CNKSR3: variants seen among roughly 807,000 people sequenced by gnomAD.
CNKSR3 encodes the protein connector enhancer of kinase suppressor of ras 3.
A neutral mutation model predicts 67.7 loss-of-function variants in CNKSR3; 36 were observed. That is an observed-to-expected ratio of 0.53 (90% CI 0.41 to 0.70). CNKSR3 has a LOEUF of 0.70. Among genes scored for constraint, CNKSR3 ranks in the 30% least tolerant of loss-of-function variants. CNKSR3 has a pLI of 0.00. For synonymous variants in CNKSR3, 281 were observed against 271.4 expected (o/e 1.04, Z -0.35); for missense variants, 630 against 695.2 (o/e 0.91, Z 1.05).
intron 9 of CNKSR3, among the ~76,000 whole-genome samples, chr6:154,422,043 A>G (rs1785155964): frequency 7.0e-6 from 1 of 142,618 alleles, no homozygotes; most frequent in African/African-American, 2.7e-5. Flanking sequence ...TCCAGGCTGG[A>G]GTGCAATGGC....
At chr6:154,481,488 A>G (rs915288758) in intron 1 of CNKSR3, among the ~76,000 whole-genome samples, 2 of 152,226 alleles carry the variant, frequency 1.3e-5, no homozygotes, top group African/African-American at 4.8e-5. Flanking sequence ...TAAGTCACTG[A>G]GCATGAAAGT....
rs138065072 is a variant in CNKSR3 at position 154,475,420 on chromosome 6, C to T, written c.53-25162G>A. Among the ~76,000 whole-genome samples the T allele has an allele frequency of 1.7e-3, 264 of 152,294 alleles. 1 individual carries two copies. Among genetic ancestry groups the T allele is most frequent in the African/African-American group, 6.0e-3 (250 of 41,540 alleles). On this transcript the variant is annotated intron_variant, in intron 1 of 12. Coordinates refer to ENST00000607772, the MANE Select transcript of CNKSR3 (RefSeq NM_173515.4). The stretch of plus-strand genomic sequence containing the variant: ...TCCACCCTCATCCATGAAGTTTTCA[C>T]GCCCCCTCCCCGGTGGAAATGGTCA...
At chr6:154,472,151 A>G (rs1449135280) in intron 1 of CNKSR3, among the ~76,000 whole-genome samples, 7 of 152,222 alleles carry the variant, frequency 4.6e-5, no homozygotes, top group Non-Finnish European at 8.8e-5. Flanking sequence ...TTACTGACAG[A>G]ACTGGCCCCA....
At chr6:154,456,294 T>C (rs986172785) in intron 1 of CNKSR3, among the ~76,000 whole-genome samples, 2 of 152,128 alleles carry the variant, frequency 1.3e-5, no homozygotes, top group African/African-American at 4.8e-5. Flanking sequence ...GGTTGTTTTT[T>C]GTTTTCTGGG....
rs1186647000 is a variant in CNKSR3, at chr6:154,390,299, T to C, written c.*16055A>G. The C allele has an allele frequency of 6.6e-6, 1 of 152,244 alleles. No homozygotes were observed. The highest frequency in any genetic ancestry group is 1.9e-4 in the East Asian group (1 of 5,196). The allele number at this position is 152,244 out of a possible 1,614,324, so 9.4% of individuals were successfully genotyped here. A position where few individuals can be genotyped will look rare whatever the true frequency, so the allele number is the denominator to read the frequency against. ...GATTAGAGTTGGTTATCCCCTTGAC[T>C]GTCAACTCTGCAGCTGGGCCAACCA... On this transcript the variant is annotated 3_prime_UTR_variant, in exon 13 of 13. Coordinates refer to ENST00000607772, the MANE Select transcript of CNKSR3 (RefSeq NM_173515.4).
intron 1 of CNKSR3, among the ~76,000 whole-genome samples, chr6:154,465,083 G>C (rs1037670266): frequency 6.9e-6 from 1 of 145,778 alleles, no homozygotes; most frequent in Non-Finnish European, 1.5e-5. Flanking sequence ...GGAGGTTGCA[G>C]TGAGCTGCGA....
intron 9 of CNKSR3, 140 bp from the exon 10 acceptor site, chr6:154,414,563 T>G: frequency 1.2e-6 from 1 of 856,964 alleles, no homozygotes; most frequent in Non-Finnish European, 1.9e-6. Context: ...TTACAGATAT[T>G]GGCAATATTT....
At chr6:154,507,963 CA>C (rs1222349641) in intron 1 of CNKSR3, among the ~76,000 whole-genome samples, 2 of 152,166 alleles carry the variant, frequency 1.3e-5, no homozygotes, top group Non-Finnish European at 2.9e-5. Context: ...ACAACAACAA[CA>C]ACAACAACAA....
At chr6:154,408,850 C>T (rs1028161332) in intron 12 of CNKSR3, among the ~76,000 whole-genome samples, 3 of 152,158 alleles carry the variant, frequency 2.0e-5, no homozygotes, top group Admixed American at 6.6e-5. Context: ...CCAAAACAAT[C>T]ATGCAAGAAA....
In CNKSR3 at chr6:154,459,091, G is replaced by C. The variant is rs145364529; in HGVS notation, c.53-8833C>G. 5.5e-3 allele frequency among the ~76,000 whole-genome samples: 740 copies of C among 134,588 alleles called. 6 individuals are homozygous for C. The highest frequency in any genetic ancestry group is 0.019 in the African/African-American group (708 of 36,396). 88.3% of individuals were successfully genotyped at this position (134,588 alleles called of 152,430 possible). A position where few individuals can be genotyped will look rare whatever the true frequency, so the allele number is the denominator to read the frequency against. ...AGAAGAAAAAAAGAAAGAGAAAGAAGAAAAAGAAAGAGAGAAAGAAAGAAA... is the reference window on the plus strand; with the variant it reads ...AGAAGAAAAAAAGAAAGAGAAAGAACAAAAAGAAAGAGAGAAAGAAAGAAA... On this transcript the variant is annotated intron_variant, in intron 1 of 12. Transcript: ENST00000607772.
chr6:154,489,955 C>T (rs921916119), intron 1 of CNKSR3, among the ~76,000 whole-genome samples: 4 of 152,202 alleles, frequency 2.6e-5, no homozygotes, highest in African/African-American at 4.8e-5. Context: ...AAACTTCCGC[C>T]GTCTGGGCTC....
chr6:154,406,450 G>A lies in CNKSR3; in HGVS notation c.1572C>T (p.Thr524=), dbSNP rs763081856. 1.9e-6 allele frequency: 3 copies of A among 1,613,992 alleles called. No homozygotes were observed. The highest frequency in any genetic ancestry group is 1.7e-5 in the Admixed American group (1 of 59,998). Residue 524 remains threonine, a synonymous_variant, in exon 13 of 13, where the codon ACC becomes ACT. Coordinates refer to ENST00000607772, the MANE Select transcript of CNKSR3 (RefSeq NM_173515.4). ...TAGCTGAGGAGCCAGATTTCTTTTT[G>A]GTCCCTTCCTCCTGGAATGGAATCG... is the stretch of plus-strand genomic sequence containing the variant. ...SATIPFQEEG[T]KKKSGSSATK... is the part of the protein sequence containing the mutation.
chr6:154,494,855 G>A (rs1414269583), intron 1 of CNKSR3, among the ~76,000 whole-genome samples: 5 of 151,976 alleles, frequency 3.3e-5, no homozygotes, highest in African/African-American at 1.2e-4. Flanking sequence ...ACTGCAGCCA[G>A]TTATGTTAGC....
intron 1 of CNKSR3, among the ~76,000 whole-genome samples, chr6:154,470,054 C>G (rs1285657194): frequency 6.6e-6 from 1 of 151,908 alleles, no homozygotes; most frequent in African/African-American, 2.4e-5. Context: ...CTGTGAAGTT[C>G]AAACCTACAT....
intron 9 of CNKSR3, among the ~76,000 whole-genome samples, chr6:154,420,513 C>T (rs1785119153): frequency 1.3e-5 from 2 of 151,308 alleles, no homozygotes; most frequent in South Asian, 2.1e-4. Context: ...AACGGTGAAA[C>T]CCCGTCTCTA....
rs150674670 is a variant in CNKSR3 at position 154,483,526 on chromosome 6, G to A, written c.52+26537C>T. Among the ~76,000 whole-genome samples, 50 of 151,560 alleles carry A rather than the reference G, an allele frequency of 3.3e-4. No individual in the cohort carries two copies. In the East Asian group the frequency reaches 8.9e-3, roughly 27 times the overall value. ...CCTCATCTGGCTGGCACTTATCCTC[G>A]AAAACCATCCTCAAGCAACTGTCTT... On this transcript the variant is annotated intron_variant, in intron 1 of 12. Transcript: ENST00000607772.
chr6:154,438,018 G>A (rs1044932137), intron 4 of CNKSR3, among the ~76,000 whole-genome samples: 1 of 151,554 alleles, frequency 6.6e-6, no homozygotes, highest in African/African-American at 2.4e-5. Flanking sequence ...GTTGTATCTC[G>A]ATCTCCTGAC....
At chr6:154,431,300 C>G (rs558405683) in intron 5 of CNKSR3, among the ~76,000 whole-genome samples, 5 of 151,904 alleles carry the variant, frequency 3.3e-5, no homozygotes, top group African/African-American at 1.2e-4. Flanking sequence ...AAAAATTAGA[C>G]GGGCATGGTG....
chr6:154,456,748 G>A, intron 1 of CNKSR3, among the ~76,000 whole-genome samples: 1 of 141,052 alleles, frequency 7.1e-6, no homozygotes, highest in African/African-American at 2.6e-5. Flanking sequence ...GACATGTGAT[G>A]CAAAAATTTG....
Sources: gnomAD v4.1 joint callset for allele counts (sites outside exome capture counted in the v4.1 genomes callset) on GRCh38, gnomAD v4.1.1 for gene constraint, MANE v1.5 for transcripts, NCBI Gene and HGNC (gene_info 2026-07-23, HGNC 2026-07-21) for gene names.